The following TPTE2 variants were observed in gnomAD, a reference collection of about 807,000 sequenced individuals.
The protein encoded by TPTE2 is transmembrane phosphoinositide 3-phosphatase and tensin homolog 2.
In TPTE2, 53 loss-of-function variants were observed where a neutral mutation model predicts 78.6. That is an observed-to-expected ratio of 0.67 (90% CI 0.54 to 0.85). TPTE2 has a LOEUF of 0.85. TPTE2 is among the 40% of genes least tolerant of loss of function. TPTE2 has a pLI of 0.00. For missense variants in TPTE2, 461 were observed against 623.0 expected (o/e 0.74, Z 2.77); for synonymous variants, 175 against 206.2 (o/e 0.85, Z 1.30).
chr13:19,460,846 T>C (rs1256523040), intron 10 of TPTE2, among the ~76,000 whole-genome samples: 2 of 152,212 alleles, frequency 1.3e-5, no homozygotes, highest in African/African-American at 4.8e-5. Context: ...AACGGCATTA[T>C]ATGTTTGAAA....
At chr13:19,451,739 C>A (rs1593363539) in intron 10 of TPTE2, among the ~76,000 whole-genome samples, 2 of 150,646 alleles carry the variant, frequency 1.3e-5, no homozygotes. Flanking sequence ...TAACTGGTAA[C>A]AATATGGAGA....
chr13:19,492,735 T>C, intron 3 of TPTE2, 115 bp downstream of exon 6: 1 of 1,422,844 alleles, frequency 7.0e-7, no homozygotes, highest in Non-Finnish European at 9.6e-7. Context: ...TGTAAATGTG[T>C]TGACAAAAGT....
intron 1 of TPTE2, among the ~76,000 whole-genome samples, chr13:19,522,270 T>C (rs921413199): frequency 6.6e-6 from 1 of 152,218 alleles, no homozygotes; most frequent in Non-Finnish European, 1.5e-5. Context: ...GCAATTTGGA[T>C]ATGCCAGAGA....
At chr13:19,445,327 A>G (rs903427985) in intron 13 of TPTE2, among the ~76,000 whole-genome samples, 2 of 152,228 alleles carry the variant, frequency 1.3e-5, no homozygotes, top group Admixed American at 1.3e-4. Flanking sequence ...AGGATATCCA[A>G]ATACTTAATA....
At chr13:19,445,960 A>G (rs2137518782) in intron 13 of TPTE2, among the ~76,000 whole-genome samples, 1 of 152,330 alleles carries the variant, frequency 6.6e-6, no homozygotes, top group South Asian at 2.1e-4. Context: ...AACAAAAAAC[A>G]TAATTTATCA....
intron 13 of TPTE2, among the ~76,000 whole-genome samples, chr13:19,447,816 T>C (rs1298796417): frequency 6.6e-6 from 1 of 152,196 alleles, no homozygotes; most frequent in African/African-American, 2.4e-5. Context: ...GATTTACAAA[T>C]GGCTTTTTTT....
In TPTE2 at chr13:19,514,152, C is replaced by T. The variant is rs141576452; in HGVS notation, c.-43-10875G>A. The stretch of plus-strand genomic sequence containing the variant: ...TCTTGGACCACTCTTGAGAGAGTAT[C>T]ATACACAGGCATTCTGATAGTTTCC... On this transcript the variant is annotated intron_variant, in intron 1 of 17. Transcript: ENST00000390680. 4.4e-3 allele frequency among the ~76,000 whole-genome samples: 668 copies of T among 152,280 alleles called. 8 individuals are homozygous for T. The highest frequency in any genetic ancestry group is 0.015 in the African/African-American group (630 of 41,558).
At chr13:19,517,033 G>T (rs540690754) in intron 1 of TPTE2, among the ~76,000 whole-genome samples, 54 of 152,266 alleles carry the variant, frequency 3.5e-4, no homozygotes, top group African/African-American at 1.3e-3. Context: ...TGTGGCCCAA[G>T]CACATCTTTG....
intron 1 of TPTE2, among the ~76,000 whole-genome samples, chr13:19,520,268 G>C (rs1870069503): frequency 6.6e-6 from 1 of 151,524 alleles, no homozygotes; most frequent in Non-Finnish European, 1.5e-5. Flanking sequence ...TTTGTTTTTT[G>C]TCTAATTATC....
At chr13:19,553,506 C>T in the TPTE2 span, among the ~76,000 whole-genome samples, 1 of 152,112 alleles carries the variant, frequency 6.6e-6, no homozygotes, top group African/African-American at 2.4e-5. Flanking sequence ...TGGCAGCTTT[C>T]TTTGTAATAG....
At chr13:19,471,776 C>T (rs1162502653) in intron 6 of TPTE2, among the ~76,000 whole-genome samples, 3 of 152,118 alleles carry the variant, frequency 2.0e-5, no homozygotes, top group African/African-American at 7.2e-5. Flanking sequence ...GAGTTTTATA[C>T]CTTCAGGTTG....
the TPTE2 span, among the ~76,000 whole-genome samples, chr13:19,553,144 G>A: frequency 6.6e-6 from 1 of 151,740 alleles, no homozygotes; most frequent in Admixed American, 6.6e-5. Context: ...AACTGCCAAT[G>A]AATACTGAGT....
intron 6 of TPTE2, among the ~76,000 whole-genome samples, chr13:19,472,408 A>C (rs528557923): frequency 1.3e-3 from 191 of 152,260 alleles, no homozygotes; most frequent in African/African-American, 4.5e-3. Context: ...CAAGCTCATT[A>C]ATTCTTTCTT....
intron 1 of TPTE2, among the ~76,000 whole-genome samples, chr13:19,526,217 A>G (rs1037791672): frequency 6.6e-6 from 1 of 152,210 alleles, no homozygotes; most frequent in African/African-American, 2.4e-5. Context: ...TCATTCTACC[A>G]TGAAGACACA....
chr13:19,433,419 C>T (rs191110251), intron 15 of TPTE2, among the ~76,000 whole-genome samples: 115 of 152,286 alleles, frequency 7.6e-4, no homozygotes, highest in Middle Eastern at 3.4e-3. Context: ...AGGAGAATCG[C>T]TTGAACCCAA....
At chr13:19,425,872 T>C (rs1453049722) in intron 18 of TPTE2, 1 of 517,694 alleles carries the variant, frequency 1.9e-6, no homozygotes, top group Admixed American at 1.9e-5. Flanking sequence ...ATTTCGTGTG[T>C]TGTATTGTGC....
At chr13:19,533,900 T>A (rs183447020) in intron 1 of TPTE2, among the ~76,000 whole-genome samples, 201 of 152,346 alleles carry the variant, frequency 1.3e-3, no homozygotes, top group African/African-American at 4.6e-3. Flanking sequence ...CAATAAATAG[T>A]CAAGAATGCA....
chr13:19,464,400 G>A, intron 10 of TPTE2, 56 bp downstream of exon 13: 1 of 1,511,540 alleles, frequency 6.6e-7, no homozygotes, highest in South Asian at 1.2e-5. Flanking sequence ...TTAAACTTAT[G>A]ACTACACAGT....
chr13:19,557,960 CATT>C, the TPTE2 span, among the ~76,000 whole-genome samples: 1 of 151,930 alleles, frequency 6.6e-6, no homozygotes, highest in Non-Finnish European at 1.5e-5. Flanking sequence ...AGAAGTAAAA[CATT>C]ATAAAAACAG....
Sources: allele counts gnomAD v4.1 joint callset (sites outside exome capture counted in the v4.1 genomes callset), GRCh38; gene constraint gnomAD v4.1.1; transcripts MANE v1.5; gene names NCBI Gene and HGNC (gene_info 2026-07-23, HGNC 2026-07-21).